SMIM10L3: variants seen among roughly 807,000 people sequenced by gnomAD.
SMIM10L3 encodes the protein small integral membrane protein 10 like 3.
At chr7:6,345,993 T>C in the SMIM10L3 span, among the ~76,000 whole-genome samples, 1 of 152,080 alleles carries the variant, frequency 6.6e-6, no homozygotes, top group African/African-American at 2.4e-5. Context: ...GGTCTTAAAC[T>C]CCTGACCTCA....
the SMIM10L3 span, among the ~76,000 whole-genome samples, chr7:6,333,499 G>C: frequency 1.3e-5 from 2 of 152,114 alleles, no homozygotes; most frequent in African/African-American, 4.8e-5. Flanking sequence ...GTTTCATATT[G>C]TTGTTGTTGC....
chr7:6,333,174 AAAAAAAAC>A, the SMIM10L3 span, among the ~76,000 whole-genome samples: 1 of 151,308 alleles, frequency 6.6e-6, no homozygotes, highest in African/African-American at 2.4e-5. Flanking sequence ...AAATCAAAAA[AAAAAAAAC>A]AAAAAACAAA....
At chr7:6,333,684 A>C in the SMIM10L3 span, among the ~76,000 whole-genome samples, 1 of 151,394 alleles carries the variant, frequency 6.6e-6, no homozygotes, top group Non-Finnish European at 1.5e-5. Flanking sequence ...TTTTCAGAGC[A>C]GGAACAGAAG....
the SMIM10L3 span, among the ~76,000 whole-genome samples, chr7:6,333,803 C>T: frequency 6.7e-6 from 1 of 149,962 alleles, no homozygotes; most frequent in African/African-American, 2.5e-5. Flanking sequence ...GACAGGGTCT[C>T]CCCATGTTGC....
At chr7:6,339,488 T>C in the SMIM10L3 span, among the ~76,000 whole-genome samples, 3 of 151,748 alleles carry the variant, frequency 2.0e-5, no homozygotes, top group South Asian at 2.1e-4. Flanking sequence ...ACCCCTTTTT[T>C]TGTTTTTTTT....
At chr7:6,341,566 T>G in the SMIM10L3 span, among the ~76,000 whole-genome samples, 14 of 150,104 alleles carry the variant, frequency 9.3e-5, no homozygotes, top group African/African-American at 3.4e-4. Context: ...GGTGGGAGCC[T>G]GTAGTCCCAG....
the SMIM10L3 span, among the ~76,000 whole-genome samples, chr7:6,340,010 G>A: frequency 6.6e-6 from 1 of 152,072 alleles, no homozygotes; most frequent in Non-Finnish European, 1.5e-5. Context: ...TCAGCCTCCT[G>A]AGTAGCTGGG....
chr7:6,331,428 G>T, the SMIM10L3 span, among the ~76,000 whole-genome samples: 1 of 152,168 alleles, frequency 6.6e-6, no homozygotes, highest in African/African-American at 2.4e-5. Flanking sequence ...GTCCCAAAGT[G>T]CTGGGATTAC....
At chr7:6,332,815 T>C in the SMIM10L3 span, among the ~76,000 whole-genome samples, 1 of 152,214 alleles carries the variant, frequency 6.6e-6, no homozygotes, top group Non-Finnish European at 1.5e-5. Context: ...TCTAATCTTA[T>C]GGAACTAGGA....
chr7:6,341,687 CAAAA>C, the SMIM10L3 span, among the ~76,000 whole-genome samples: 1 of 110,730 alleles, frequency 9.0e-6, no homozygotes. Context: ...AAGACTCTGT[CAAAA>C]AAAAAAAAAA....
the SMIM10L3 span, among the ~76,000 whole-genome samples, chr7:6,339,369 G>A: frequency 1.1e-4 from 16 of 152,132 alleles, no homozygotes; most frequent in Non-Finnish European, 1.6e-4. Flanking sequence ...TCAGGAGGTC[G>A]AGGTGGGAGG....
At chr7:6,339,236 G>A in the SMIM10L3 span, among the ~76,000 whole-genome samples, 28 of 152,156 alleles carry the variant, frequency 1.8e-4, no homozygotes, top group Non-Finnish European at 8.8e-5. Context: ...GGGAGGCCGA[G>A]GTGGGGAGAT....
chr7:6,330,189 G>C, the SMIM10L3 span: 2 of 620,048 alleles, frequency 3.2e-6, no homozygotes, highest in African/African-American at 3.7e-5. Context: ...TTTAACACAT[G>C]CCAAAAAAGT....
the SMIM10L3 span, among the ~76,000 whole-genome samples, chr7:6,331,543 G>A: frequency 1.3e-5 from 2 of 151,810 alleles, no homozygotes; most frequent in East Asian, 1.9e-4. Flanking sequence ...CACCAAGCCC[G>A]CTAATTTTTT....
At chr7:6,334,018 T>C in the SMIM10L3 span, among the ~76,000 whole-genome samples, 11 of 151,272 alleles carry the variant, frequency 7.3e-5, no homozygotes, top group East Asian at 2.0e-3. Flanking sequence ...GGCTAATTTT[T>C]CGTATTTTTA....
the SMIM10L3 span, chr7:6,348,613 A>T: frequency 2.1e-6 from 1 of 483,664 alleles, no homozygotes; most frequent in Non-Finnish European, 3.7e-6. Flanking sequence ...CACGATGTAG[A>T]GGTAGGGGAA....
the SMIM10L3 span, among the ~76,000 whole-genome samples, chr7:6,335,154 C>T: frequency 6.6e-6 from 1 of 151,972 alleles, no homozygotes; most frequent in Non-Finnish European, 1.5e-5. Flanking sequence ...CCTCTGCCTC[C>T]TAGGTTCAAG....
the SMIM10L3 span, among the ~76,000 whole-genome samples, chr7:6,336,934 G>A: frequency 2.0e-5 from 3 of 152,248 alleles, no homozygotes; most frequent in East Asian, 1.9e-4. Context: ...AATTACAGGC[G>A]TGAGCCACCA....
At chr7:6,334,642 A>G in the SMIM10L3 span, among the ~76,000 whole-genome samples, 1 of 148,302 alleles carries the variant, frequency 6.7e-6, no homozygotes, top group Non-Finnish European at 1.5e-5. Flanking sequence ...AATTTTTTAT[A>G]TTTTGGTAGA....
Sources: gnomAD v4.1 joint callset for allele counts (sites outside exome capture counted in the v4.1 genomes callset) on GRCh38, gnomAD v4.1.1 for gene constraint, MANE v1.5 for transcripts, NCBI Gene and HGNC (gene_info 2026-07-23, HGNC 2026-07-21) for gene names.